Variants in COL16A1 observed in about 807,000 individuals in gnomAD.
COL16A1 encodes collagen type XVI alpha 1 chain.
A neutral mutation model predicts 266.3 loss-of-function variants in COL16A1; 189 were observed. The ratio of observed to expected loss-of-function variants is 0.71; its 90% CI spans 0.63 to 0.80. COL16A1 has a LOEUF of 0.80. Ranked by LOEUF, COL16A1 falls within the 30% of genes least tolerant of loss-of-function variation. The pLI, the probability that COL16A1 is intolerant of heterozygous loss-of-function variation, is 0.00. For synonymous variants in COL16A1, 740 were observed against 782.3 expected, an observed-to-expected ratio of 0.95 and a Z score of 0.90; for missense variants, 1,928 against 2,122.4, an observed-to-expected ratio of 0.91 and a Z score of 1.80.
chr1:31,689,628 T>A, intron 23 of COL16A1, 113 bp downstream of exon 23: 1 of 821,366 alleles, frequency 1.2e-6, no homozygotes. Context: ...CCATAATCTC[T>A]CTGTAGCCAC....
chr1:31,662,675 C>CT lies in COL16A1; in HGVS notation c.3556-18_3556-17insA. 3 of 503,226 alleles carry CT rather than the reference C, an allele frequency of 6.0e-6. No individual in the cohort carries two copies. Among genetic ancestry groups the CT allele is most frequent in the South Asian group, 3.7e-5 (1 of 26,912 alleles). The allele number at this position is 503,226 out of a possible 1,614,324, so 31.2% of individuals were successfully genotyped here. A position where few individuals can be genotyped will look rare whatever the true frequency, so the allele number is the denominator to read the frequency against. On this transcript the variant is annotated splice_polypyrimidine_tract_variant and intron_variant, in intron 56 of 70. Coordinates refer to ENST00000373672, the MANE Select transcript of COL16A1 (RefSeq NM_001856.4). ...TTCGCTGCCCTGGAAACCAGCGCCGCCCCCCCCCCCCGCCCCACAATAAAG... is the reference window on the plus strand; with the variant it reads ...TTCGCTGCCCTGGAAACCAGCGCCGCTCCCCCCCCCCCGCCCCACAATAAAG...
chr1:31,673,538 A>C (rs1642921201), intron 44 of COL16A1, among the ~76,000 whole-genome samples: 1 of 152,240 alleles, frequency 6.6e-6, no homozygotes, highest in Non-Finnish European at 1.5e-5. Flanking sequence ...GCCCCTGCTC[A>C]CTTTCACTGC....
At position 31,688,949 on chromosome 1, in the gene COL16A1, C is replaced by T; in HGVS notation, c.1679G>A (p.Ser560Asn). Residue 560 changes from serine (S) to asparagine (N), a missense_variant, in exon 25 of 71, where the codon AGC (serine) becomes AAC (asparagine). Around this residue, in one of 2 missense-constraint regions of COL16A1, gnomAD observed 1,552 missense variants for 1,637.2 expected, o/e 0.95. Transcript: ENST00000373672. This position sits in a 1 kb window ranked among gnomAD's most constrained non-coding sequence, Gnocchi z 4.9. ...AAGATGCTGGGCCCCTACAACCGAG[C>T]TGCAGGACAAGCAGGGCTCCCCCTG... ...GEKGEPCLSC[S>N]SVVGAQHLVS... 2 of 1,614,156 alleles carry T rather than the reference C, an allele frequency of 1.2e-6. No homozygotes were observed. Among genetic ancestry groups the T allele is most frequent in the Non-Finnish European group, 1.7e-6 (2 of 1,180,014 alleles).
At chr1:31,655,911 T>C (rs896073891) in intron 66 of COL16A1, 3 of 289,804 alleles carry the variant, frequency 1.0e-5, no homozygotes, top group African/African-American at 4.5e-5. Context: ...CTCTATCCAG[T>C]GCACCCCTCC....
chr1:31,674,646 G>C (rs1193753617), intron 44 of COL16A1, among the ~76,000 whole-genome samples: 1 of 152,174 alleles, frequency 6.6e-6, no homozygotes, highest in Non-Finnish European at 1.5e-5. Flanking sequence ...CCCCACCACT[G>C]CACTTTCACC....
At chr1:31,660,467 C>CA in intron 62 of COL16A1, 118 bp downstream of exon 62, 1 of 1,395,562 alleles carries the variant, frequency 7.2e-7, no homozygotes. Flanking sequence ...CCCGTGCTCC[C>CA]ACGGCTGGGG....
rs769251272 is a variant in COL16A1, at chr1:31,662,709, G to C, written c.3556-51C>G. ...CCCGCCCCACAATAAAGTCAGCAGG[G>C]CTTTGCCCCACCCATGGAGACCAGG... On this transcript the variant is annotated intron_variant, in intron 56 of 70. Coordinates refer to ENST00000373672, the MANE Select transcript of COL16A1 (RefSeq NM_001856.4). 3 of 1,503,746 alleles carry C rather than the reference G, an allele frequency of 2.0e-6. No homozygotes were observed. The South Asian group carries it at 3.7e-5, about 19-fold the overall frequency. The allele number at this position is 1,503,746 out of a possible 1,614,324, so 93.2% of individuals were successfully genotyped here.
At chr1:31,681,173 C>T in intron 37 of COL16A1, 106 bp from the exon 38 acceptor site, 1 of 1,451,602 alleles carries the variant, frequency 6.9e-7, no homozygotes, top group Non-Finnish European at 9.1e-7. Flanking sequence ...CGCCAGGTTC[C>T]CCTGGAGCCC....
intron 26 of COL16A1, among the ~76,000 whole-genome samples, chr1:31,687,259 G>A (rs1644024789): frequency 6.6e-6 from 1 of 151,854 alleles, no homozygotes; most frequent in Admixed American, 6.6e-5. Context: ...GTGCACGCCT[G>A]TAATCCCAGC....
Position 31,665,912 on chromosome 1 carries a change from G to T in COL16A1, c.3426C>A (p.Pro1142=). 6.2e-7 allele frequency: 1 copy of T among 1,614,056 alleles called. No individual in the cohort carries two copies. Among genetic ancestry groups the T allele is most frequent in the Non-Finnish European group, 8.5e-7 (1 of 1,180,004 alleles). The change falls in exon 54 of 71, where the codon CCC becomes CCA. Residue 1142 remains proline, a synonymous_variant. Coordinates refer to ENST00000373672, the MANE Select transcript of COL16A1 (RefSeq NM_001856.4). ...GPAGPRGERG[P]QGNSGEKGDQ... The stretch of plus-strand genomic sequence containing the variant: ...CGCCCTTCTCACCGGAGTTACCTTG[G>T]GGTCCTCGCTCTCCTCTGGGACCCT...
chr1:31,702,688 T>C (rs1267087346), intron 1 of COL16A1, among the ~76,000 whole-genome samples: 1 of 152,158 alleles, frequency 6.6e-6, no homozygotes, highest in African/African-American at 2.4e-5. Flanking sequence ...GATACCTTAC[T>C]AGCGCACCCA....
rs946951127 is a variant in COL16A1, at chr1:31,652,809, G to T, written c.4657C>A (p.Pro1553Thr). The T allele has an allele frequency of 1.3e-6, 2 of 1,592,672 alleles. No individual in the cohort carries two copies. The highest frequency in any genetic ancestry group is 3.7e-5 in the Admixed American group (2 of 53,926). Reference protein sequence around the residue: ...PGYGKMGATGPMGQQGIPGIP... With the variant: ...PGYGKMGATGTMGQQGIPGIP... Reference sequence around the variant, plus strand: ...CCAGGGATGCCTTGCTGGCCCATTGGTCCTGTTGCACCCATCTTGCCATAG... The same window carrying T: ...CCAGGGATGCCTTGCTGGCCCATTGTTCCTGTTGCACCCATCTTGCCATAG... Residue 1553 changes from proline (P) to threonine (T), a missense_variant, in exon 71 of 71, where the codon CCA becomes ACA. Coordinates refer to ENST00000373672, the MANE Select transcript of COL16A1 (RefSeq NM_001856.4). The surrounding 1 kb of genome is among the most constrained non-coding windows in gnomAD (Gnocchi z 4.8).
At chr1:31,700,155 G>C (rs1382759043) in intron 2 of COL16A1, 40 bp from the exon 3 acceptor site, 1 of 1,600,794 alleles carries the variant, frequency 6.2e-7, no homozygotes, top group Non-Finnish European at 8.6e-7. Flanking sequence ...GTGCGCTCAG[G>C]CCAAGGTTGC....
rs1316519703 is a variant in COL16A1, at chr1:31,665,250, G to A, written c.3493-16C>T. 1.9e-6 allele frequency: 3 copies of A among 1,586,212 alleles called. No homozygotes were observed. Among genetic ancestry groups the A allele is most frequent in the South Asian group, 1.2e-5 (1 of 86,206 alleles). ...CAGGGGGACCCTGTATCAACAAAGGGGCAGGCAGGAATGAAAGTGGGGCTG... is the reference window on the plus strand; with the variant it reads ...CAGGGGGACCCTGTATCAACAAAGGAGCAGGCAGGAATGAAAGTGGGGCTG... On this transcript the variant is annotated splice_polypyrimidine_tract_variant and intron_variant, in intron 55 of 70. Transcript: ENST00000373672.
chr1:31,680,404 C>T (rs1223099543), intron 39 of COL16A1, among the ~76,000 whole-genome samples: 1 of 152,186 alleles, frequency 6.6e-6, no homozygotes, highest in Non-Finnish European at 1.5e-5. Flanking sequence ...TTACAGTCGT[C>T]AGTTATAACC....
chr1:31,692,920 G>T, intron 13 of COL16A1, 112 bp from the exon 14 acceptor site: 1 of 1,141,262 alleles, frequency 8.8e-7, no homozygotes, highest in Non-Finnish European at 1.3e-6. Context: ...CCCTAGAAAA[G>T]GGGGGCTTCT....
chr1:31,689,148 G>A (rs1285743510), intron 23 of COL16A1, 63 bp from the exon 24 acceptor site: 5 of 1,610,642 alleles, frequency 3.1e-6, no homozygotes, highest in Non-Finnish European at 4.2e-6. Context: ...AAACTCCCTG[G>A]CAATATGCGA....
At chr1:31,653,465 G>T in intron 70 of COL16A1, 134 bp downstream of exon 70, 1 of 1,074,964 alleles carries the variant, frequency 9.3e-7, no homozygotes, top group Non-Finnish European at 1.3e-6. Context: ...CTTGCACACA[G>T]TGGCATTCCT....
chr1:31,680,001 C>T, intron 40 of COL16A1, 41 bp downstream of exon 40: 1 of 1,610,574 alleles, frequency 6.2e-7, no homozygotes. Flanking sequence ...GAAGCTGGTC[C>T]TCTCCCCCAG....
Sources: allele counts gnomAD v4.1 joint callset (sites outside exome capture counted in the v4.1 genomes callset), GRCh38; gene constraint gnomAD v4.1.1; regional missense constraint gnomAD v4.1.1; non-coding constraint Gnocchi (gnomAD v3.1); transcripts MANE v1.5; gene names NCBI Gene and HGNC (gene_info 2026-07-23, HGNC 2026-07-21).